The following ANKRD31 variants were observed in gnomAD, a reference collection of about 807,000 sequenced individuals.
ANKRD31 encodes the protein ankyrin repeat domain 31.
In ANKRD31, 147 loss-of-function variants were observed where a neutral mutation model predicts 186.0. The observed-to-expected ratio is 0.79, with a 90% confidence interval of 0.69 to 0.91. ANKRD31 has a LOEUF of 0.91. ANKRD31 is among the 40% of genes least tolerant of loss of function. The pLI is 0.00. For missense variants in ANKRD31, 1,986 were observed against 2,148.8 expected, an observed-to-expected ratio of 0.92 and a Z score of 1.50; for synonymous variants, 673 against 736.4, an observed-to-expected ratio of 0.91 and a Z score of 1.39.
Position 75,104,235 on chromosome 5 carries a change from T to C in ANKRD31, c.5324A>G (p.Lys1775Arg). ...GAAAAAAATATAGAATACCTGTGTTTTGAATTCCAGAATGTTATTTCCTGG... is the reference window on the plus strand; with the variant it reads ...GAAAAAAATATAGAATACCTGTGTTCTGAATTCCAGAATGTTATTTCCTGG... ...INPGNNILEF[K>R]TQETTHKASI... Residue 1775 changes from lysine (K) to arginine (R), a missense_variant, in exon 22 of 26, where the codon AAA becomes AGA. By Grantham distance (26) the Lys-to-Arg change is conservative (BLOSUM62 2). Transcript: ENST00000506364. The C allele has an allele frequency of 2.0e-6, 3 of 1,499,320 alleles. No homozygotes were observed. Among genetic ancestry groups the C allele is most frequent in the Non-Finnish European group, 2.7e-6 (3 of 1,129,200 alleles). The allele number at this position is 1,499,320 out of a possible 1,614,324, so 92.9% of individuals were successfully genotyped here.
chr5:75,082,839 C>A (rs998815082), intron 24 of ANKRD31, among the ~76,000 whole-genome samples: 1 of 152,068 alleles, frequency 6.6e-6, no homozygotes, highest in African/African-American at 2.4e-5. Context: ...AAATTGAGTG[C>A]TATAAAACAA....
intron 2 of ANKRD31, among the ~76,000 whole-genome samples, 174 bp downstream of exon 2, chr5:75,230,387 CA>C (rs1212955537): frequency 1.3e-5 from 2 of 152,080 alleles, no homozygotes; most frequent in Admixed American, 6.5e-5. Flanking sequence ...TTCTTGTGAC[CA>C]GAAATATGCT....
intron 11 of ANKRD31, among the ~76,000 whole-genome samples, chr5:75,159,418 G>A (rs1435987731): frequency 6.6e-6 from 1 of 151,912 alleles, no homozygotes; most frequent in African/African-American, 2.4e-5. Context: ...AAACAAAAGG[G>A]ATATATATCT....
At chr5:75,124,426 A>C (rs1266864052) in intron 17 of ANKRD31, among the ~76,000 whole-genome samples, 3 of 152,174 alleles carry the variant, frequency 2.0e-5, no homozygotes, top group Admixed American at 6.6e-5. Flanking sequence ...CAATCTCACT[A>C]CTGGGTATAT....
rs1747220370 is a variant in ANKRD31 at position 75,105,072 on chromosome 5, G to A, written c.4487C>T (p.Pro1496Leu). Residue 1496 changes from proline to leucine, a missense_variant, in exon 22 of 26, where the codon CCT (proline) becomes CTT (leucine). Physicochemically the swap from Pro to Leu is moderately conservative, Grantham distance 98. Coordinates refer to ENST00000506364, the MANE Select transcript of ANKRD31 (RefSeq NM_001372053.1). Reference sequence around the variant, plus strand: ...TGGGAGCTTCCTTAAACTAAGACAAGGCAATGATGTAACATTCCTACAGTT... The same window carrying A: ...TGGGAGCTTCCTTAAACTAAGACAAAGCAATGATGTAACATTCCTACAGTT... ...IQNCRNVTSLPCLSLRKLPPR... is the reference protein window; with the variant it reads ...IQNCRNVTSLLCLSLRKLPPR... 1.0e-5 allele frequency: 16 copies of A among 1,536,864 alleles called. No homozygotes were observed. Among genetic ancestry groups the A allele is most frequent in the Non-Finnish European group, 1.0e-5 (12 of 1,146,802 alleles).
intron 2 of ANKRD31, among the ~76,000 whole-genome samples, chr5:75,224,129 T>TTATA (rs148986776): frequency 0.012 from 1,216 of 105,574 alleles, 14 homozygotes; most frequent in Admixed American, 0.022. Flanking sequence ...TCAGAAATAA[T>TTATA]TATATATATA....
chr5:75,181,876 A>C (rs1754329269), intron 10 of ANKRD31, among the ~76,000 whole-genome samples: 2 of 136,804 alleles, frequency 1.5e-5, no homozygotes, highest in Admixed American at 7.1e-5. Context: ...CTAAAACTTA[A>C]AAGTATAATA....
chr5:75,079,740 T>C (rs1473939520), intron 25 of ANKRD31, among the ~76,000 whole-genome samples: 1 of 152,176 alleles, frequency 6.6e-6, no homozygotes, highest in Admixed American at 6.5e-5. Flanking sequence ...CCTCCCAAAG[T>C]GCTGGGATTA....
chr5:75,235,375 T>A (rs1379430352), intron 1 of ANKRD31, among the ~76,000 whole-genome samples: 6 of 152,082 alleles, frequency 3.9e-5, no homozygotes, highest in Admixed American at 1.3e-4. Context: ...GAATATTTTT[T>A]AAAAACTACT....
chr5:75,107,689 G>A, intron 20 of ANKRD31, 72 bp from the exon 21 acceptor site: 3 of 851,774 alleles, frequency 3.5e-6, no homozygotes, highest in Non-Finnish European at 5.4e-6. Context: ...ACGAGAATTA[G>A]CCCTATTGTT....
At position 75,104,980 on chromosome 5, in the gene ANKRD31, G is replaced by T; in HGVS notation, c.4579C>A (p.Pro1527Thr). Reference sequence around the variant, plus strand: ...ACAGGAGAAAGTGAACCTGATTGGGGATGCTCTAAATTTTCCAGACTAGTG... The same window carrying T: ...ACAGGAGAAAGTGAACCTGATTGGGTATGCTCTAAATTTTCCAGACTAGTG... ...ELTSLENLEH[P>T]QSGSLSPVSG... The change falls in exon 22 of 26, where the codon CCC becomes ACC. Residue 1527 changes from proline (P) to threonine (T), a missense_variant. Coordinates refer to ENST00000506364, the MANE Select transcript of ANKRD31 (RefSeq NM_001372053.1). The T allele has an allele frequency of 6.5e-7, 1 of 1,537,008 alleles. No individual in the cohort carries two copies.
intron 11 of ANKRD31, among the ~76,000 whole-genome samples, chr5:75,165,372 G>T (rs1405193698): frequency 1.3e-5 from 2 of 152,214 alleles, no homozygotes; most frequent in East Asian, 1.9e-4. Flanking sequence ...TACTGGCATT[G>T]TTAGTAGTAA....
chr5:75,141,761 C>T (rs748469887), intron 15 of ANKRD31, among the ~76,000 whole-genome samples: 1 of 151,980 alleles, frequency 6.6e-6, no homozygotes, highest in South Asian at 2.1e-4. Context: ...TGTGATTGTG[C>T]CACTGCTCTG....
chr5:75,200,168 T>C (rs1409314599), intron 5 of ANKRD31, among the ~76,000 whole-genome samples: 1 of 152,172 alleles, frequency 6.6e-6, no homozygotes, highest in Non-Finnish European at 1.5e-5. Flanking sequence ...GACTGCAAAT[T>C]CACTATCTAC....
At chr5:75,103,504 T>C (rs1261469256) in intron 22 of ANKRD31, among the ~76,000 whole-genome samples, 2 of 152,204 alleles carry the variant, frequency 1.3e-5, no homozygotes, top group East Asian at 1.9e-4. Flanking sequence ...ACTGGGCATA[T>C]ACCCAAAGGA....
rs115618880 is a variant in ANKRD31, at chr5:75,084,113, T to A, written c.5575+159A>T. On this transcript the variant is annotated intron_variant, in intron 24 of 25. Transcript: ENST00000506364. Reference sequence around the variant, plus strand: ...GTGGGTGGTTGCACGACATTGTGAATTTACTAAATGCCACTGAATTGTTCA... The same window carrying A: ...GTGGGTGGTTGCACGACATTGTGAAATTACTAAATGCCACTGAATTGTTCA... 6.3e-3 allele frequency among the ~76,000 whole-genome samples: 964 copies of A among 152,310 alleles called. 6 individuals are homozygous for A. The highest frequency in any genetic ancestry group is 0.03 in the South Asian group (143 of 4,828).
At chr5:75,144,682 T>A (rs1751303722) in intron 14 of ANKRD31, among the ~76,000 whole-genome samples, 1 of 151,990 alleles carries the variant, frequency 6.6e-6, no homozygotes, top group African/African-American at 2.4e-5. Flanking sequence ...GACATAGGCA[T>A]GGGCAAAGAC....
chr5:75,129,780 C>A (rs779414353), intron 17 of ANKRD31, among the ~76,000 whole-genome samples: 2 of 152,182 alleles, frequency 1.3e-5, no homozygotes, highest in African/African-American at 2.4e-5. Context: ...CTCACTGGGG[C>A]TTGTCGGACA....
intron 24 of ANKRD31, among the ~76,000 whole-genome samples, chr5:75,082,787 T>G (rs940965953): frequency 6.6e-6 from 1 of 152,190 alleles, no homozygotes; most frequent in African/African-American, 2.4e-5. Flanking sequence ...TTGTGAGGGA[T>G]GGGGTAATTT....
Sources: gnomAD v4.1 joint callset for allele counts (sites outside exome capture counted in the v4.1 genomes callset) on GRCh38, gnomAD v4.1.1 for gene constraint, MANE v1.5 for transcripts, NCBI Gene and HGNC (gene_info 2026-07-23, HGNC 2026-07-21) for gene names.